The following DLC1 variants were observed in gnomAD, a reference collection of about 807,000 sequenced individuals.
The protein encoded by DLC1 is rho GTPase-activating protein 7.
DLC1 carries 54 observed loss-of-function variants against 140.3 expected under a neutral mutation model. That is an observed-to-expected ratio of 0.38 (90% CI 0.31 to 0.48). The LOEUF (loss-of-function observed/expected upper bound fraction) is 0.48. Among genes scored for constraint, DLC1 ranks in the 20% least tolerant of loss-of-function variants. The pLI, the probability that DLC1 is intolerant of heterozygous loss-of-function variation, is 0.96. For synonymous variants in DLC1, 986 were observed against 728.1 expected, an observed-to-expected ratio of 1.35 and a Z score of -5.70; for missense variants, 2,536 against 1,907.0, an observed-to-expected ratio of 1.33 and a Z score of -6.14.
chr8:13,404,463 G>A (rs1837436307), intron 2 of DLC1, among the ~76,000 whole-genome samples: 2 of 152,040 alleles, frequency 1.3e-5, no homozygotes, highest in African/African-American at 2.4e-5. Context: ...TAGAGAATTC[G>A]TCTTAGAATT....
chr8:13,497,213 T>C (rs1417327297), intron 2 of DLC1, among the ~76,000 whole-genome samples: 1 of 152,220 alleles, frequency 6.6e-6, no homozygotes, highest in Non-Finnish European at 1.5e-5. Context: ...CTCTATTGTT[T>C]CTTCTGGTAA....
chr8:13,503,794 C>G (rs1267151117), intron 1 of DLC1, among the ~76,000 whole-genome samples: 1 of 152,176 alleles, frequency 6.6e-6, no homozygotes, highest in Non-Finnish European at 1.5e-5. Context: ...GCTACTGAAG[C>G]TTACCAATTT....
chr8:13,544,816 G>C (rs1803602214), intron 1 of DLC1, among the ~76,000 whole-genome samples: 1 of 151,938 alleles, frequency 6.6e-6, no homozygotes, highest in Non-Finnish European at 1.5e-5. Flanking sequence ...ATTTCTTTTG[G>C]GAAATTCACT....
chr8:13,175,759 C>T lies in DLC1; in HGVS notation c.1349-60102G>A, dbSNP rs1184503324. 3.3e-5 allele frequency among the ~76,000 whole-genome samples: 5 copies of T among 152,106 alleles called. No individual in the cohort carries two copies. In the East Asian group the frequency reaches 9.7e-4, roughly 29 times the overall value. ...CTTGTCTTGGTAGATAATTCTATGA[C>T]ATGCTTAATACATGTATATATATAT... On this transcript the variant is annotated intron_variant, in intron 5 of 17. Transcript: ENST00000276297.
intron 2 of DLC1, among the ~76,000 whole-genome samples, chr8:13,437,893 C>T (rs1196047820): frequency 6.6e-6 from 1 of 151,844 alleles, no homozygotes; most frequent in African/African-American, 2.4e-5. Flanking sequence ...GTTGTGGCTG[C>T]TTCAGACTAA....
chr8:13,600,557 A>G lies in DLC1; in HGVS notation c.-126+3980T>C, dbSNP rs199752775. 4.6e-5 allele frequency among the ~76,000 whole-genome samples: 7 copies of G among 151,872 alleles called. No homozygotes were observed. In the East Asian group the frequency reaches 1.2e-3, roughly 25 times the overall value. The stretch of plus-strand genomic sequence containing the variant: ...TCCAGCAGTCATCTTCACCCAAATC[A>G]CAATGTGGTACAGATGCAGTTGAAA... On this transcript the variant is annotated intron_variant, in intron 1 of 1. Transcript: ENST00000631382.
intron 5 of DLC1, chr8:13,276,685 A>AGGTG: frequency 1.0e-6 from 1 of 953,716 alleles, no homozygotes; most frequent in Non-Finnish European, 1.3e-6. Context: ...TGTGCAACCC[A>AGGTG]ATGACTCACC....
intron 5 of DLC1, among the ~76,000 whole-genome samples, chr8:13,180,184 C>T (rs1251132975): frequency 1.3e-5 from 2 of 152,176 alleles, no homozygotes; most frequent in African/African-American, 2.4e-5. Context: ...GTCTTTAGTG[C>T]AGTCAAACTA....
chr8:13,489,448 C>CACACACACACAA (rs879327958), intron 2 of DLC1, among the ~76,000 whole-genome samples: 18 of 147,794 alleles, frequency 1.2e-4, no homozygotes, highest in Admixed American at 3.5e-4. Context: ...CACACACACA[C>CACACACACACAA]AAAATGTTGC....
intron 1 of DLC1, among the ~76,000 whole-genome samples, chr8:13,547,858 C>G (rs1803705168): frequency 6.6e-6 from 1 of 150,484 alleles, no homozygotes; most frequent in African/African-American, 2.4e-5. Flanking sequence ...ACACACTTAT[C>G]TTGCACCCAT....
intron 5 of DLC1, among the ~76,000 whole-genome samples, chr8:13,242,022 C>T (rs970521451): frequency 4.6e-5 from 7 of 152,130 alleles, no homozygotes; most frequent in African/African-American, 1.7e-4. Flanking sequence ...TTAGGATTAT[C>T]TAACTCAGTG....
chr8:13,571,247 C>T (rs1256138759), intron 1 of DLC1, among the ~76,000 whole-genome samples: 1 of 151,952 alleles, frequency 6.6e-6, no homozygotes, highest in Admixed American at 6.6e-5. Flanking sequence ...GCCACTTGAA[C>T]TGTTATTAAT....
intron 5 of DLC1, among the ~76,000 whole-genome samples, chr8:13,217,127 C>T (rs916056125): frequency 2.6e-5 from 4 of 152,200 alleles, no homozygotes; most frequent in African/African-American, 7.2e-5. Context: ...AAATAAAAAC[C>T]TAAGTTCTAA....
intron 5 of DLC1, chr8:13,116,152 T>G (rs772999677): frequency 3.0e-5 from 30 of 986,422 alleles, no homozygotes; most frequent in Non-Finnish European, 1.3e-5. Context: ...TGACCTTGTG[T>G]TGTTTCACTG....
intron 4 of DLC1, among the ~76,000 whole-genome samples, chr8:13,389,695 A>T (rs967514640): frequency 1.3e-5 from 2 of 152,164 alleles, no homozygotes; most frequent in Non-Finnish European, 2.9e-5. Context: ...TTAAAAGAAA[A>T]ATAATCTTAC....
At chr8:13,591,358 T>C (rs1805508470) in intron 1 of DLC1, among the ~76,000 whole-genome samples, 1 of 152,132 alleles carries the variant, frequency 6.6e-6, no homozygotes, top group Non-Finnish European at 1.5e-5. Flanking sequence ...GCCCTCAAGA[T>C]GTTCTTGTGA....
intron 5 of DLC1, among the ~76,000 whole-genome samples, chr8:13,216,998 C>T (rs1828234402): frequency 6.6e-6 from 1 of 152,068 alleles, no homozygotes. Context: ...TGAAGGTGTT[C>T]TGTGCACAAT....
intron 5 of DLC1, among the ~76,000 whole-genome samples, chr8:13,195,786 G>A (rs1034985565): frequency 1.3e-5 from 2 of 152,182 alleles, no homozygotes; most frequent in Non-Finnish European, 2.9e-5. Flanking sequence ...TGATGGCCAT[G>A]TGGCAGGAAC....
chr8:13,214,809 G>T, intron 5 of DLC1: 2 of 776,888 alleles, frequency 2.6e-6, no homozygotes, highest in South Asian at 2.7e-5. Context: ...AAGGAGAGGA[G>T]AAAATGATTG....
Sources: gnomAD v4.1 joint callset for allele counts (sites outside exome capture counted in the v4.1 genomes callset) on GRCh38, gnomAD v4.1.1 for gene constraint, MANE v1.5 for transcripts, NCBI Gene and HGNC (gene_info 2026-07-23, HGNC 2026-07-21) for gene names.